The following CFAP96 variants were observed in gnomAD, a reference collection of about 807,000 sequenced individuals.
CFAP96 encodes cilia and flagella associated protein 96.
chr4:185,443,342 A>ATATATATATATATT, the CFAP96 span, among the ~76,000 whole-genome samples: 41 of 26,724 alleles, frequency 1.5e-3, no homozygotes, highest in South Asian at 2.1e-3. Context: ...ATATATATAT[A>ATATATATATATATT]TTTTTTTTTT....
At chr4:185,442,152 C>T in the CFAP96 span, among the ~76,000 whole-genome samples, 1 of 152,034 alleles carries the variant, frequency 6.6e-6, no homozygotes, top group Non-Finnish European at 1.5e-5. Context: ...GGTCAAGTCT[C>T]TTCTTACTCT....
At chr4:185,435,042 C>T in the CFAP96 span, among the ~76,000 whole-genome samples, 13 of 151,080 alleles carry the variant, frequency 8.6e-5, no homozygotes, top group African/African-American at 2.9e-4. Context: ...CACCCACCCC[C>T]GGAACCGTAG....
At chr4:185,447,001 G>C in the CFAP96 span, among the ~76,000 whole-genome samples, 1 of 151,976 alleles carries the variant, frequency 6.6e-6, no homozygotes, top group Non-Finnish European at 1.5e-5. Flanking sequence ...TGCTGGTAAG[G>C]TTGTTCATTC....
the CFAP96 span, chr4:185,413,586 T>A: frequency 2.5e-6 from 2 of 787,478 alleles, no homozygotes; most frequent in Non-Finnish European, 3.8e-6. Context: ...TCTTAAGCAA[T>A]GTCTGTTAAC....
chr4:185,430,498 T>C, the CFAP96 span, among the ~76,000 whole-genome samples: 1 of 152,242 alleles, frequency 6.6e-6, no homozygotes, highest in East Asian at 1.9e-4. Context: ...AACAAAATGA[T>C]TATCTCTTTG....
At chr4:185,413,306 T>G in the CFAP96 span, among the ~76,000 whole-genome samples, 1 of 152,120 alleles carries the variant, frequency 6.6e-6, no homozygotes, top group Non-Finnish European at 1.5e-5. Flanking sequence ...GAGAATTGCT[T>G]GAACCCAGGA....
the CFAP96 span, among the ~76,000 whole-genome samples, chr4:185,409,456 C>T: frequency 6.6e-6 from 1 of 152,156 alleles, no homozygotes; most frequent in East Asian, 1.9e-4. Context: ...TCCTGAGTAG[C>T]TGGGATTACA....
At chr4:185,428,700 A>G in the CFAP96 span, among the ~76,000 whole-genome samples, 2 of 152,230 alleles carry the variant, frequency 1.3e-5, no homozygotes, top group Admixed American at 6.5e-5. Context: ...GTTGAAGTAT[A>G]CCTGTTAACA....
At chr4:185,415,681 T>C in the CFAP96 span, 51 of 1,583,672 alleles carry the variant, frequency 3.2e-5, no homozygotes, top group Non-Finnish European at 4.4e-5. Context: ...CTCATTCAAA[T>C]GTGGCAGTGG....
At chr4:185,415,364 A>AT in the CFAP96 span, 1 of 1,546,676 alleles carries the variant, frequency 6.5e-7, no homozygotes, top group Non-Finnish European at 8.7e-7. Context: ...GGGGAAATAT[A>AT]TAAGTGTATT....
the CFAP96 span, among the ~76,000 whole-genome samples, chr4:185,412,854 C>CT: frequency 6.6e-6 from 1 of 152,088 alleles, no homozygotes; most frequent in Admixed American, 6.6e-5. Flanking sequence ...TCTTGGATGC[C>CT]TTATAAGGTC....
the CFAP96 span, chr4:185,422,426 A>C: frequency 2.4e-6 from 3 of 1,249,956 alleles, no homozygotes; most frequent in Non-Finnish European, 3.4e-6. Context: ...AAGTGGAAAT[A>C]ATCTCAGTAT....
the CFAP96 span, chr4:185,445,443 G>A: frequency 8.6e-7 from 1 of 1,163,134 alleles, no homozygotes; most frequent in African/African-American, 1.5e-5. Context: ...AGTTCAGTTA[G>A]CAGTACAATT....
the CFAP96 span, among the ~76,000 whole-genome samples, chr4:185,446,786 A>T: frequency 2.0e-5 from 3 of 152,058 alleles, no homozygotes; most frequent in African/African-American, 4.8e-5. Flanking sequence ...TGTTTTCTAT[A>T]AAAAAAATTG....
the CFAP96 span, chr4:185,415,123 G>GT: frequency 6.6e-7 from 1 of 1,508,528 alleles, no homozygotes; most frequent in South Asian, 1.3e-5. Context: ...AGTCATTATT[G>GT]TTTTTTCTAA....
At chr4:185,430,975 G>C in the CFAP96 span, among the ~76,000 whole-genome samples, 3 of 152,090 alleles carry the variant, frequency 2.0e-5, no homozygotes, top group East Asian at 5.8e-4. Context: ...ACTTTGGGAG[G>C]CTGAGGTGGG....
At chr4:185,430,092 T>A in the CFAP96 span, among the ~76,000 whole-genome samples, 2 of 152,208 alleles carry the variant, frequency 1.3e-5, no homozygotes, top group Non-Finnish European at 2.9e-5. Context: ...CCCAGAATAT[T>A]TTGGTTAGAT....
At chr4:185,447,898 T>G in the CFAP96 span, among the ~76,000 whole-genome samples, 1 of 152,226 alleles carries the variant, frequency 6.6e-6, no homozygotes, top group African/African-American at 2.4e-5. Context: ...AGTGAGGTAA[T>G]GTAGGTGAAA....
the CFAP96 span, among the ~76,000 whole-genome samples, chr4:185,417,531 A>G: frequency 6.6e-6 from 1 of 152,042 alleles, no homozygotes; most frequent in Non-Finnish European, 1.5e-5. Context: ...CCTCTTCTCT[A>G]TTTCCATAGC....
Sources: gnomAD v4.1 joint callset for allele counts (sites outside exome capture counted in the v4.1 genomes callset) on GRCh38, gnomAD v4.1.1 for gene constraint, MANE v1.5 for transcripts, NCBI Gene and HGNC (gene_info 2026-07-23, HGNC 2026-07-21) for gene names.